Variants in NKIRAS1 observed in about 807,000 individuals in gnomAD.
NKIRAS1 encodes the protein NFKB inhibitor interacting Ras like 1, also known as NF-kappa-B inhibitor-interacting Ras-like protein 1.
A neutral mutation model predicts 19.8 loss-of-function variants in NKIRAS1; 16 were observed. The observed-to-expected ratio is 0.81, with a 90% CI of 0.55 to 1.23. The LOEUF is 1.23. Among genes scored for constraint, NKIRAS1 ranks in the 50% most tolerant of loss-of-function variants. The probability of loss-of-function intolerance (pLI) is 0.00; values close to 1 mark genes in which losing one functional copy is unlikely to be tolerated. For missense variants in NKIRAS1, 184 were observed against 220.0 expected, an observed-to-expected ratio of 0.84 and a Z score of 1.04; for synonymous variants, 88 against 79.0, an observed-to-expected ratio of 1.11 and a Z score of -0.61.
At chr3:23,894,300 G>A (rs1391491435) in intron 4 of NKIRAS1, among the ~76,000 whole-genome samples, 1 of 152,176 alleles carries the variant, frequency 6.6e-6, no homozygotes, top group Non-Finnish European at 1.5e-5. Flanking sequence ...AACTGTCAAA[G>A]GCCTCTCTGA....
chr3:23,907,877 G>A (rs1265508769), intron 3 of NKIRAS1, among the ~76,000 whole-genome samples: 1 of 152,144 alleles, frequency 6.6e-6, no homozygotes, highest in East Asian at 1.9e-4. Context: ...AATCTCTTGT[G>A]TGTTTTAAAT....
At chr3:23,914,839 T>C (rs1030379347) in intron 1 of NKIRAS1, among the ~76,000 whole-genome samples, 9 of 152,224 alleles carry the variant, frequency 5.9e-5, no homozygotes, top group Non-Finnish European at 7.3e-5. Context: ...AAATGATTCA[T>C]CCAACTTTTT....
At position 23,922,741 on chromosome 3, in the gene NKIRAS1, T is replaced by G. The variant is rs1705131652; in HGVS notation, c.-139-11291A>C. The G allele has an allele frequency of 6.6e-6, 1 of 152,202 alleles. No homozygotes were observed. The highest frequency in any genetic ancestry group is 1.5e-5 in the Non-Finnish European group (1 of 68,040). The allele number at this position is 152,202 out of a possible 1,614,324, so 9.4% of individuals were successfully genotyped here. A position where few individuals can be genotyped will look rare whatever the true frequency, so the allele number is the denominator to read the frequency against. ...ACGTTAAAAATTCAAAAGATAAGTA[T>G]AGGCTCTACAGTACAAACCCTTCTG... is the stretch of plus-strand genomic sequence containing the variant. On this transcript the variant is annotated intron_variant, in intron 1 of 4. Transcript: ENST00000421515. The surrounding 1 kb of genome is among the most constrained non-coding windows in gnomAD (Gnocchi z 4.2).
At chr3:23,920,614 T>C (rs1354224168), upstream of NKIRAS1, 32 of 985,078 alleles carry the variant, frequency 3.2e-5, no homozygotes, top group Non-Finnish European at 3.9e-5. Flanking sequence ...CAATTTTAAA[T>C]TCTGACTTTG....
chr3:23,900,884 C>G lies in NKIRAS1; in HGVS notation c.260G>C (p.Ser87Thr). 1 of 1,614,046 alleles carries G rather than the reference C, an allele frequency of 6.2e-7. No homozygotes were observed. Among genetic ancestry groups the G allele is most frequent in the Non-Finnish European group, 8.5e-7 (1 of 1,179,920 alleles). Reference protein sequence around the residue: ...SFADGFVLVYSVNNLESFQRV... With the variant: ...SFADGFVLVYTVNNLESFQRV... Reference sequence around the variant, plus strand: ...TTGAAAGGATTCAAGGTTATTCACACTGTACACAAGAACGAAGCCATCAGC... The same window carrying G: ...TTGAAAGGATTCAAGGTTATTCACAGTGTACACAAGAACGAAGCCATCAGC... The change falls in exon 4 of 5, where the codon AGT (serine) becomes ACT (threonine). Residue 87 changes from serine to threonine, a missense_variant. By Grantham distance (58) the Ser-to-Thr change is moderately conservative (BLOSUM62 1). Transcript: ENST00000425478.
chr3:23,945,392 C>G (rs866677046), intron 1 of NKIRAS1: 1 of 183,126 alleles, frequency 5.5e-6, no homozygotes, highest in African/African-American at 2.4e-5. Context: ...CCGCCGCCAC[C>G]CTCTCTCGCT....
At chr3:23,928,732 C>T (rs1215485951) in intron 1 of NKIRAS1, among the ~76,000 whole-genome samples, 1 of 149,020 alleles carries the variant, frequency 6.7e-6, no homozygotes, top group Non-Finnish European at 1.5e-5. Context: ...TGACTCACAC[C>T]TGTAATCCTA....
rs902778814 is a variant in NKIRAS1, at chr3:23,892,171, T to A, written c.*924A>T. ...CAGGTGAAACCACTAAGTAGCTTAC[T>A]TCCTACCTTTTAAATTAATAAAGTT... On this transcript the variant is annotated 3_prime_UTR_variant, in exon 5 of 5. Transcript: ENST00000425478. The A allele has an allele frequency of 6.6e-6, 1 of 152,234 alleles. No homozygotes were observed. Among genetic ancestry groups the A allele is most frequent in the Non-Finnish European group, 1.5e-5 (1 of 68,042 alleles). 9.4% of individuals were successfully genotyped at this position (152,234 alleles called of 1,614,324 possible).
intron 1 of NKIRAS1, among the ~76,000 whole-genome samples, chr3:23,943,751 A>G (rs1705556007): frequency 6.6e-6 from 1 of 152,254 alleles, no homozygotes; most frequent in Non-Finnish European, 1.5e-5. Context: ...TGAGGGTGAT[A>G]AATTCCAGAA....
intron 1 of NKIRAS1, among the ~76,000 whole-genome samples, chr3:23,944,625 T>G (rs1705579202): frequency 6.6e-6 from 1 of 152,178 alleles, no homozygotes; most frequent in Non-Finnish European, 1.5e-5. Flanking sequence ...AAATCTGAGA[T>G]GCAAAAAAGC....
At chr3:23,907,856 GTCTTGAGGAAAATC>G (rs576768326) in intron 3 of NKIRAS1, among the ~76,000 whole-genome samples, 54 of 152,282 alleles carry the variant, frequency 3.5e-4, no homozygotes, top group South Asian at 2.5e-3. Flanking sequence ...TATGGTAACT[GTCTTGAGGAAAATC>G]TCTTGTGTGT....
intron 3 of NKIRAS1, among the ~76,000 whole-genome samples, chr3:23,908,765 G>A (rs1273196707): frequency 6.6e-6 from 1 of 151,778 alleles, no homozygotes; most frequent in African/African-American, 2.4e-5. Context: ...AACCTCCCAT[G>A]TGATTCTCCC....
intron 1 of NKIRAS1, chr3:23,946,053 G>A: frequency 5.2e-6 from 5 of 970,418 alleles, no homozygotes; most frequent in Non-Finnish European, 6.1e-6. Flanking sequence ...GCGCTGGCTG[G>A]GAGCGCCGCA....
chr3:23,895,109 A>C (rs1701854492), intron 4 of NKIRAS1, among the ~76,000 whole-genome samples: 1 of 152,078 alleles, frequency 6.6e-6, no homozygotes, highest in African/African-American at 2.4e-5. Context: ...CAATGGCTTG[A>C]TCATAGCTGG....
chr3:23,895,733 T>C (rs2125356010), intron 4 of NKIRAS1, among the ~76,000 whole-genome samples: 1 of 152,276 alleles, frequency 6.6e-6, no homozygotes, highest in South Asian at 2.1e-4. Flanking sequence ...TACTCTGTAA[T>C]GAGATATCGC....
At chr3:23,923,988 C>G (rs890126437) in intron 1 of NKIRAS1, 2 of 152,140 alleles carry the variant, frequency 1.3e-5, no homozygotes, top group Non-Finnish European at 2.9e-5. Flanking sequence ...GTTTTCCTGG[C>G]CTCTCATGCA....
chr3:23,914,089 T>G (rs565219500), intron 1 of NKIRAS1, among the ~76,000 whole-genome samples: 41 of 152,276 alleles, frequency 2.7e-4, no homozygotes, highest in Middle Eastern at 6.8e-3. Context: ...AGGGCAGTCT[T>G]AAATACTTAT....
At chr3:23,908,131 T>A (rs1302044711) in intron 3 of NKIRAS1, among the ~76,000 whole-genome samples, 1 of 152,170 alleles carries the variant, frequency 6.6e-6, no homozygotes, top group Non-Finnish European at 1.5e-5. Context: ...TCATCAGATA[T>A]TAACAAAAGT....
chr3:23,935,599 A>G (rs1361376311), intron 1 of NKIRAS1, among the ~76,000 whole-genome samples: 1 of 152,032 alleles, frequency 6.6e-6, no homozygotes, highest in African/African-American at 2.4e-5. Context: ...TTTTTTAAAC[A>G]TTATTTGCAG....
Sources: allele counts gnomAD v4.1 joint callset (sites outside exome capture counted in the v4.1 genomes callset), GRCh38; gene constraint gnomAD v4.1.1; non-coding constraint Gnocchi (gnomAD v3.1); transcripts MANE v1.5; gene names NCBI Gene and HGNC (gene_info 2026-07-23, HGNC 2026-07-21).